FLT1: variants seen among roughly 807,000 people sequenced by gnomAD.
FLT1 encodes the protein vascular endothelial growth factor receptor 1.
Under a neutral mutation model 156.3 loss-of-function variants are expected in FLT1, and 49 were observed. The observed-to-expected ratio is 0.31, with a 90% CI of 0.25 to 0.40. The LOEUF is 0.40. Among genes scored for constraint, FLT1 ranks in the 10% least tolerant of loss-of-function variants. The probability of loss-of-function intolerance (pLI) is 1.00; values close to 1 mark genes in which losing one functional copy is unlikely to be tolerated. For missense variants in FLT1, 1,322 were observed against 1,637.2 expected, an observed-to-expected ratio of 0.81 and a Z score of 3.32; for synonymous variants, 594 against 583.8, an observed-to-expected ratio of 1.02 and a Z score of -0.25.
chr13:28,407,513 G>A (rs1252570859), intron 10 of FLT1, among the ~76,000 whole-genome samples: 1 of 152,112 alleles, frequency 6.6e-6, no homozygotes, highest in Non-Finnish European at 1.5e-5. Context: ...TCTAAAAAAT[G>A]AGCAAATTTT....
intron 12 of FLT1, among the ~76,000 whole-genome samples, chr13:28,390,655 C>A (rs1433950254): frequency 6.6e-6 from 1 of 152,130 alleles, no homozygotes; most frequent in Non-Finnish European, 1.5e-5. Flanking sequence ...CCTCGGCCTC[C>A]CAAAGTGCTG....
In FLT1 at chr13:28,302,366, G is replaced by C. The variant is rs1378917320; in HGVS notation, c.*801C>G. 5 of 233,354 alleles carry C rather than the reference G, an allele frequency of 2.1e-5. No individual in the cohort carries two copies. The highest frequency in any genetic ancestry group is 4.2e-5 in the Non-Finnish European group (5 of 118,072). The allele number at this position is 233,354 out of a possible 1,614,324, so 14.5% of individuals were successfully genotyped here. A position where few individuals can be genotyped will look rare whatever the true frequency, so the allele number is the denominator to read the frequency against. ...GCCAAAAGTATGGGCTCAGAGTTGA[G>C]TGCCACCCTCAGTGCTACAAATCAA... is the stretch of plus-strand genomic sequence containing the variant. On this transcript the variant is annotated 3_prime_UTR_variant, in exon 30 of 30. Transcript: ENST00000282397.
intron 3 of FLT1, among the ~76,000 whole-genome samples, chr13:28,458,456 A>T (rs1283531452): frequency 1.3e-5 from 2 of 152,228 alleles, no homozygotes; most frequent in Admixed American, 1.3e-4. Flanking sequence ...GAGCCCCAGA[A>T]ATTGTTTTCT....
At chr13:28,440,401 C>T (rs1162380952) in intron 3 of FLT1, among the ~76,000 whole-genome samples, 1 of 152,178 alleles carries the variant, frequency 6.6e-6, no homozygotes, top group African/African-American at 2.4e-5. Flanking sequence ...AATCTAGAGC[C>T]CCTTCCCTGG....
intron 15 of FLT1, 132 bp from the exon 16 acceptor site, chr13:28,345,683 T>G (rs1478137896): frequency 2.9e-6 from 2 of 698,752 alleles, no homozygotes; most frequent in African/African-American, 1.8e-5. Context: ...TGCCACAAAA[T>G]CAGTCTCTGG....
At chr13:28,370,320 A>C (rs771464604) in intron 14 of FLT1, among the ~76,000 whole-genome samples, 2 of 152,154 alleles carry the variant, frequency 1.3e-5, no homozygotes, top group African/African-American at 2.4e-5. Context: ...TAGAGTTATG[A>C]TGGGGGGAGA....
intron 10 of FLT1, among the ~76,000 whole-genome samples, chr13:28,418,638 A>G (rs1593770450): frequency 1.3e-5 from 2 of 152,076 alleles, no homozygotes. Context: ...TTCAGTGACG[A>G]CTGCAGCCTC....
At chr13:28,457,516 A>C (rs1382558165) in intron 3 of FLT1, among the ~76,000 whole-genome samples, 1 of 152,236 alleles carries the variant, frequency 6.6e-6, no homozygotes, top group Non-Finnish European at 1.5e-5. Context: ...TGAACAACAC[A>C]ATCAGCTAGC....
At position 28,427,268 on chromosome 13, in the gene FLT1, G is replaced by A; in HGVS notation, c.1327C>T (p.Leu443Phe). The change falls in exon 10 of 30, where the codon CTC becomes TTC. Residue 443 changes from leucine to phenylalanine, a missense_variant. Around this residue, in one of 3 missense-constraint regions of FLT1, gnomAD observed 991 missense variants for 1,254.8 expected, o/e 0.79. Transcript: ENST00000282397. ...KAVSSFPDPA[L>F]YPLGSRQILT... ...ATTTGTCTGCTGCCCAGTGGGTAGA[G>A]AGCCGGGTCTGGAAACGATGACACG... is the stretch of plus-strand genomic sequence containing the variant. The A allele has an allele frequency of 1.9e-6, 3 of 1,614,026 alleles. No homozygotes were observed. The highest frequency in any genetic ancestry group is 2.5e-6 in the Non-Finnish European group (3 of 1,179,914).
chr13:28,385,057 G>A, intron 13 of FLT1, 26 bp from the exon 14 acceptor site: 1 of 1,613,146 alleles, frequency 6.2e-7, no homozygotes, highest in Non-Finnish European at 8.5e-7. Context: ...AGGGAGCTGT[G>A]ATTACTCGTC....
At position 28,322,879 on chromosome 13, in the gene FLT1, G is replaced by T. The variant is rs1871526722; in HGVS notation, c.2864C>A (p.Pro955Gln). The T allele has an allele frequency of 2.5e-6, 4 of 1,614,054 alleles. No homozygotes were observed. Among genetic ancestry groups the T allele is most frequent in the Non-Finnish European group, 3.4e-6 (4 of 1,180,006 alleles). ...MEPGLEQGKK[P>Q]RLDSVTSSES... ...GCTGCTGGTGACGCTATCTAGTCTTGGTTTCTTGCCTTGTTCCAGGCCTGG... is the reference window on the plus strand; with the variant it reads ...GCTGCTGGTGACGCTATCTAGTCTTTGTTTCTTGCCTTGTTCCAGGCCTGG... Residue 955 changes from proline to glutamine, a missense_variant, in exon 21 of 30, where the codon CCA becomes CAA. Pro to Gln is a moderately conservative substitution (Grantham distance 76, BLOSUM62 -1). This residue lies in a region of FLT1 where 991 missense variants were observed against 1,254.8 expected (regional missense o/e 0.79). Transcript: ENST00000282397. The surrounding 1 kb of genome is among the most constrained non-coding windows in gnomAD (Gnocchi z 4.3).
At chr13:28,372,040 GTGTGTGTGTATATA>G (rs1470715258) in intron 14 of FLT1, among the ~76,000 whole-genome samples, 3 of 14,844 alleles carry the variant, frequency 2.0e-4, no homozygotes, top group Non-Finnish European at 3.4e-4. Context: ...GTGTGTGTGT[GTGTGTGTGTATATA>G]TATATATATA....
At chr13:28,478,550 A>C (rs1880674868) in intron 1 of FLT1, among the ~76,000 whole-genome samples, 1 of 152,230 alleles carries the variant, frequency 6.6e-6, no homozygotes, top group South Asian at 2.1e-4. Flanking sequence ...TTAAGTATAA[A>C]AGCGGGAATT....
intron 1 of FLT1, among the ~76,000 whole-genome samples, chr13:28,473,790 GA>G (rs1343173707): frequency 2.9e-5 from 3 of 103,940 alleles, no homozygotes; most frequent in Admixed American, 1.0e-4. Flanking sequence ...AAGAAAGAAA[GA>G]AAGAAAGAAA....
intron 13 of FLT1, chr13:28,388,190 G>A (rs1168861190): frequency 2.8e-6 from 3 of 1,057,846 alleles, no homozygotes; most frequent in Non-Finnish European, 3.4e-6. Flanking sequence ...CCTTTGGGCT[G>A]ACAACTTCCA....
intron 29 of FLT1, among the ~76,000 whole-genome samples, chr13:28,304,432 C>T (rs925642156): frequency 6.6e-6 from 1 of 152,032 alleles, no homozygotes; most frequent in African/African-American, 2.4e-5. Context: ...AACTACATCA[C>T]TTGGAGGCAC....
At chr13:28,482,244 G>A (rs1248067213) in intron 1 of FLT1, among the ~76,000 whole-genome samples, 5 of 152,126 alleles carry the variant, frequency 3.3e-5, no homozygotes, top group Non-Finnish European at 5.9e-5. Flanking sequence ...TTTGAGACCA[G>A]CCTGACCAAC....
chr13:28,484,071 C>T (rs1881004524), intron 1 of FLT1, among the ~76,000 whole-genome samples: 1 of 152,192 alleles, frequency 6.6e-6, no homozygotes, highest in African/African-American at 2.4e-5. Context: ...CAGTAGGTGG[C>T]TAGGAAGAGA....
intron 1 of FLT1, among the ~76,000 whole-genome samples, chr13:28,482,187 C>T (rs1051463846): frequency 8.5e-5 from 13 of 152,142 alleles, no homozygotes; most frequent in African/African-American, 2.7e-4. Flanking sequence ...GGTGTGGTGG[C>T]TCACGCCTGT....
Sources: gnomAD v4.1 joint callset for allele counts (sites outside exome capture counted in the v4.1 genomes callset) on GRCh38, gnomAD v4.1.1 for gene constraint, gnomAD v4.1.1 regional missense constraint, Gnocchi (gnomAD v3.1) non-coding constraint, MANE v1.5 for transcripts, NCBI Gene and HGNC (gene_info 2026-07-23, HGNC 2026-07-21) for gene names.